XYLT1: variants seen among roughly 807,000 people sequenced by gnomAD.
XYLT1 encodes the protein beta-D-xylosyltransferase 1.
A neutral mutation model predicts 91.3 loss-of-function variants in XYLT1; 36 were observed. That is an observed-to-expected ratio of 0.39 (90% confidence interval 0.30 to 0.52). XYLT1 has a LOEUF of 0.52. Ranked by LOEUF, XYLT1 falls within the 20% of genes least tolerant of loss-of-function variation. The pLI, the probability that XYLT1 is intolerant of heterozygous loss-of-function variation, is 0.68. For missense variants in XYLT1, 1,242 were observed against 1,284.5 expected (o/e 0.97, Z 0.51); for synonymous variants, 588 against 532.0 (o/e 1.11, Z -1.45).
At chr16:17,340,900 AC>A (rs1287899609) in intron 2 of XYLT1, among the ~76,000 whole-genome samples, 6 of 152,148 alleles carry the variant, frequency 3.9e-5, no homozygotes, top group Non-Finnish European at 8.8e-5. Flanking sequence ...ATTCACAAAT[AC>A]CCCATGTAAA....
intron 1 of XYLT1, among the ~76,000 whole-genome samples, chr16:17,400,100 T>C (rs1211829466): frequency 6.6e-6 from 1 of 152,208 alleles, no homozygotes; most frequent in African/African-American, 2.4e-5. Flanking sequence ...AACTCTCTCC[T>C]GGCAACAGCA....
intron 2 of XYLT1, among the ~76,000 whole-genome samples, chr16:17,343,815 G>A (rs767553508): frequency 2.2e-4 from 34 of 152,060 alleles, no homozygotes; most frequent in Non-Finnish European, 4.3e-4. Flanking sequence ...GCGTTCTTCC[G>A]TACCTCATCA....
chr16:17,233,463 T>C (rs1567334490), intron 3 of XYLT1, among the ~76,000 whole-genome samples: 2 of 152,122 alleles, frequency 1.3e-5, no homozygotes, highest in Non-Finnish European at 2.9e-5. Flanking sequence ...AGAGCAGAAA[T>C]TTAAGTAGGA....
chr16:17,264,111 T>G (rs917635782), intron 2 of XYLT1, among the ~76,000 whole-genome samples: 3 of 152,212 alleles, frequency 2.0e-5, no homozygotes, highest in African/African-American at 7.2e-5. Flanking sequence ...TGTTGTATAT[T>G]GTTGCATGTA....
chr16:17,170,919 G>A (rs2031806286), intron 5 of XYLT1, among the ~76,000 whole-genome samples: 1 of 152,168 alleles, frequency 6.6e-6, no homozygotes, highest in South Asian at 2.1e-4. Context: ...GCCTTGGGCA[G>A]GTCATTTTTA....
chr16:17,194,861 G>C (rs536720484), intron 5 of XYLT1, among the ~76,000 whole-genome samples: 1 of 152,352 alleles, frequency 6.6e-6, no homozygotes, highest in Non-Finnish European at 1.5e-5. Flanking sequence ...TGCCACACTA[G>C]CTGCTATGCT....
At chr16:17,151,969 C>T (rs549580483) in intron 6 of XYLT1, among the ~76,000 whole-genome samples, 2 of 152,280 alleles carry the variant, frequency 1.3e-5, no homozygotes, top group South Asian at 2.1e-4. Flanking sequence ...CTTCACAGGG[C>T]TCACGTCACT....
intron 1 of XYLT1, among the ~76,000 whole-genome samples, chr16:17,410,219 A>T (rs1472242182): frequency 1.3e-5 from 2 of 152,194 alleles, no homozygotes; most frequent in African/African-American, 4.8e-5. Flanking sequence ...GGTGTATTAG[A>T]GCCATAAGTG....
chr16:17,115,581 C>T (rs899362586), intron 11 of XYLT1, among the ~76,000 whole-genome samples: 18 of 150,974 alleles, frequency 1.2e-4, no homozygotes, highest in South Asian at 2.1e-4. Flanking sequence ...CAGGTTCAAA[C>T]GATTCTCGTG....
At chr16:17,221,390 T>C (rs186278165) in intron 3 of XYLT1, among the ~76,000 whole-genome samples, 140 of 152,268 alleles carry the variant, frequency 9.2e-4, no homozygotes, top group African/African-American at 3.2e-3. Flanking sequence ...GTGGCAATTT[T>C]TCCAGTTCAT....
intron 5 of XYLT1, among the ~76,000 whole-genome samples, chr16:17,160,353 GCCCCTA>G (rs2031517735): frequency 6.6e-6 from 1 of 152,158 alleles, no homozygotes; most frequent in Admixed American, 6.5e-5. Flanking sequence ...GGTCTGAGCT[GCCCCTA>G]CTGCTCACCC....
intron 9 of XYLT1, among the ~76,000 whole-genome samples, chr16:17,133,774 A>C (rs1446816467): frequency 6.6e-6 from 1 of 152,222 alleles, no homozygotes. Flanking sequence ...CCTCCCCCTC[A>C]TCTTCTAGAA....
At chr16:17,338,677 T>C (rs1243239972) in intron 2 of XYLT1, 1 of 364,090 alleles carries the variant, frequency 2.7e-6, no homozygotes, top group African/African-American at 2.1e-5. Context: ...TGGAGTGCAG[T>C]TAGTTCAAGC....
intron 5 of XYLT1, among the ~76,000 whole-genome samples, chr16:17,187,040 G>A (rs115024499): frequency 0.017 from 2,573 of 152,128 alleles, 75 homozygotes; most frequent in African/African-American, 0.057. Flanking sequence ...CAGAGAAATG[G>A]GGGAACCAGA....
intron 2 of XYLT1, among the ~76,000 whole-genome samples, chr16:17,310,599 T>C (rs960116726): frequency 6.6e-6 from 1 of 152,122 alleles, no homozygotes; most frequent in Non-Finnish European, 1.5e-5. Flanking sequence ...GCCTGTAATC[T>C]CAGCACTTTG....
chr16:17,346,980 A>T (rs1157262199), intron 2 of XYLT1, among the ~76,000 whole-genome samples: 2 of 151,622 alleles, frequency 1.3e-5, no homozygotes, highest in African/African-American at 4.9e-5. Flanking sequence ...CTTTTTCAGA[A>T]AGGCAGTTGA....
intron 1 of XYLT1, among the ~76,000 whole-genome samples, chr16:17,423,918 C>A (rs2036280005): frequency 6.6e-6 from 1 of 152,184 alleles, no homozygotes; most frequent in African/African-American, 2.4e-5. Context: ...GCTCATCATG[C>A]CACAGCAGTG....
intron 2 of XYLT1, among the ~76,000 whole-genome samples, chr16:17,275,060 C>T (rs908299194): frequency 6.6e-6 from 1 of 152,046 alleles, no homozygotes; most frequent in African/African-American, 2.4e-5. Flanking sequence ...GCCTGTAATA[C>T]CAGCTACTCG....
At chr16:17,408,995 A>G (rs1290609715) in intron 1 of XYLT1, among the ~76,000 whole-genome samples, 1 of 152,236 alleles carries the variant, frequency 6.6e-6, no homozygotes, top group Non-Finnish European at 1.5e-5. Context: ...ATGAGGCTCT[A>G]GAAACTGGTC....
Sources: allele counts gnomAD v4.1 joint callset (sites outside exome capture counted in the v4.1 genomes callset), GRCh38; gene constraint gnomAD v4.1.1; transcripts MANE v1.5; gene names NCBI Gene and HGNC (gene_info 2026-07-23, HGNC 2026-07-21).